Variants in MGAT5 observed in about 807,000 individuals in gnomAD.
The protein encoded by MGAT5 is alpha-1,6-mannosylglycoprotein 6-beta-N-acetylglucosaminyltransferase A.
A neutral mutation model predicts 94.3 loss-of-function variants in MGAT5; 30 were observed. That is an observed-to-expected ratio of 0.32 (90% CI 0.24 to 0.43). MGAT5 has a LOEUF of 0.43. MGAT5 is among the 20% of genes least tolerant of loss of function. MGAT5 has a pLI of 1.00. For missense variants in MGAT5, 691 were observed against 905.5 expected (o/e 0.76, Z 3.04); for synonymous variants, 310 against 322.9 (o/e 0.96, Z 0.43).
At chr2:134,125,464 AG>A (rs1403680751) in intron 1 of MGAT5, among the ~76,000 whole-genome samples, 1 of 152,184 alleles carries the variant, frequency 6.6e-6, no homozygotes, top group Non-Finnish European at 1.5e-5. Context: ...ATAGATACCC[AG>A]GGGCACTGCA....
chr2:134,219,097 G>A (rs2105345130), intron 1 of MGAT5, among the ~76,000 whole-genome samples: 1 of 152,282 alleles, frequency 6.6e-6, no homozygotes, highest in Admixed American at 6.5e-5. Flanking sequence ...GCCCAGGGAG[G>A]TGTGAGTGCG....
In MGAT5 at chr2:134,283,645, CTTTTTTTTTTTTTT is replaced by C. The variant is rs35922830; in HGVS notation, c.406+13110_406+13123del. On this transcript the variant is annotated intron_variant, in intron 2 of 15. Transcript: ENST00000281923. ...AAGCCATTGTTGAGGAATGTAGTAT[CTTTTTTTTTTTTTT>C]TTTTTTTTTTTTTTACAGAAACTCT... Among the ~76,000 whole-genome samples, 123 of 69,070 alleles carry C rather than the reference CTTTTTTTTTTTTTT, an allele frequency of 1.8e-3. 3 individuals carry two copies. The South Asian group carries it at 0.024, about 13-fold the overall frequency. 45.3% of individuals were successfully genotyped at this position (69,070 alleles called of 152,430 possible). A position where few individuals can be genotyped will look rare whatever the true frequency, so the allele number is the denominator to read the frequency against.
chr2:134,411,585 C>T (rs1453320031), intron 11 of MGAT5, among the ~76,000 whole-genome samples: 1 of 152,252 alleles, frequency 6.6e-6, no homozygotes, highest in Non-Finnish European at 1.5e-5. Context: ...CCTTCAGGAG[C>T]TACCTGGTTC....
intron 1 of MGAT5, among the ~76,000 whole-genome samples, chr2:134,142,461 G>A (rs1464246480): frequency 1.3e-5 from 2 of 152,208 alleles, no homozygotes; most frequent in Non-Finnish European, 2.9e-5. Context: ...GTGTGCTGGG[G>A]ACATTTGTGA....
chr2:134,166,654 C>G (rs1395849721), intron 1 of MGAT5, among the ~76,000 whole-genome samples: 1 of 152,172 alleles, frequency 6.6e-6, no homozygotes, highest in African/African-American at 2.4e-5. Context: ...GACCTCATAG[C>G]AGGTATGAAA....
At chr2:134,202,581 T>G (rs1679839475) in intron 1 of MGAT5, among the ~76,000 whole-genome samples, 1 of 152,208 alleles carries the variant, frequency 6.6e-6, no homozygotes, top group African/African-American at 2.4e-5. Context: ...CATTCAGAAG[T>G]GTTGCCCCAG....
chr2:134,296,413 T>C (rs1468726831), intron 2 of MGAT5, among the ~76,000 whole-genome samples: 1 of 152,198 alleles, frequency 6.6e-6, no homozygotes, highest in Non-Finnish European at 1.5e-5. Flanking sequence ...GTTCTTTTTA[T>C]CCTTGGCTTC....
chr2:134,133,393 A>C (rs1461539029), intron 1 of MGAT5, among the ~76,000 whole-genome samples: 1 of 152,226 alleles, frequency 6.6e-6, no homozygotes, highest in Non-Finnish European at 1.5e-5. Context: ...GATTGATGAG[A>C]AAGAGCTGAG....
intron 1 of MGAT5, among the ~76,000 whole-genome samples, chr2:134,266,033 T>C (rs1314934294): frequency 6.6e-6 from 1 of 151,550 alleles, no homozygotes; most frequent in Non-Finnish European, 1.5e-5. Context: ...CTGGGTGTGG[T>C]GGCACCTGTA....
chr2:134,341,042 A>G (rs964263539), intron 6 of MGAT5, among the ~76,000 whole-genome samples: 3 of 152,220 alleles, frequency 2.0e-5, no homozygotes, highest in Non-Finnish European at 4.4e-5. Flanking sequence ...CCTTTTAGGG[A>G]TACATACCGA....
intron 2 of MGAT5, among the ~76,000 whole-genome samples, 176 bp downstream of exon 2, chr2:134,270,726 C>G (rs577507773): frequency 6.6e-6 from 1 of 152,236 alleles, no homozygotes; most frequent in Admixed American, 6.5e-5. Flanking sequence ...TGTTAAAATG[C>G]TTTTTATAGT....
At chr2:134,341,166 G>C (rs1439169946) in intron 6 of MGAT5, among the ~76,000 whole-genome samples, 1 of 152,116 alleles carries the variant, frequency 6.6e-6, no homozygotes, top group East Asian at 1.9e-4. Context: ...AAGCTACACA[G>C]TAATTACTTT....
chr2:134,424,917 C>T (rs1174297981), intron 13 of MGAT5, among the ~76,000 whole-genome samples: 1 of 152,204 alleles, frequency 6.6e-6, no homozygotes, highest in African/African-American at 2.4e-5. Context: ...GATTAGGGCC[C>T]ACCCTAATTC....
At chr2:134,145,200 G>A (rs900966309) in intron 1 of MGAT5, among the ~76,000 whole-genome samples, 2 of 114,208 alleles carry the variant, frequency 1.8e-5, no homozygotes, top group Non-Finnish European at 3.4e-5. Context: ...TAAGGTGTGT[G>A]TGTGTCTCTC....
intron 9 of MGAT5, among the ~76,000 whole-genome samples, 153 bp downstream of exon 9, chr2:134,350,091 T>TGTTTTGTTTTTG (rs1679277803): frequency 6.6e-6 from 1 of 151,598 alleles, no homozygotes; most frequent in East Asian, 1.9e-4. Flanking sequence ...CTGAATTTGT[T>TGTTTTGTTTTTG]TTTTTGTTTT....
chr2:134,272,104 G>A (rs1684063388), intron 2 of MGAT5, among the ~76,000 whole-genome samples: 1 of 152,150 alleles, frequency 6.6e-6, no homozygotes, highest in South Asian at 2.1e-4. Context: ...TGTCCTGTTT[G>A]TTGCAAGGCT....
chr2:134,201,747 G>A (rs562956998), intron 1 of MGAT5, among the ~76,000 whole-genome samples: 29 of 151,466 alleles, frequency 1.9e-4, no homozygotes, highest in Non-Finnish European at 2.7e-4. Flanking sequence ...CTTGGTGGCC[G>A]CCAGGCGCCA....
chr2:134,376,700 C>T (rs1452668976), intron 10 of MGAT5, among the ~76,000 whole-genome samples: 1 of 152,222 alleles, frequency 6.6e-6, no homozygotes, highest in African/African-American at 2.4e-5. Context: ...TCAGTGGAAG[C>T]AGCTGAAACT....
chr2:134,236,088 TTAATTTTATGGGCATA>T (rs1428647129), intron 1 of MGAT5, among the ~76,000 whole-genome samples: 1 of 152,190 alleles, frequency 6.6e-6, no homozygotes, highest in Non-Finnish European at 1.5e-5. Context: ...TTTCTGCTGC[TTAATTTTATGGGCATA>T]CAAAACCAAA....
Sources: gnomAD v4.1 joint callset for allele counts (sites outside exome capture counted in the v4.1 genomes callset) on GRCh38, gnomAD v4.1.1 for gene constraint, MANE v1.5 for transcripts, NCBI Gene and HGNC (gene_info 2026-07-23, HGNC 2026-07-21) for gene names.